ST6GALNAC3: variants seen among roughly 807,000 people sequenced by gnomAD.
ST6GALNAC3 encodes the protein alpha-N-acetylgalactosaminide alpha-2,6-sialyltransferase 3.
Under a neutral mutation model 32.7 loss-of-function variants are expected in ST6GALNAC3, and 25 were observed. The ratio of observed to expected loss-of-function variants is 0.76; its 90% CI spans 0.56 to 1.07. The LOEUF (loss-of-function observed/expected upper bound fraction) is 1.07. Ranked by LOEUF, ST6GALNAC3 falls within the 50% of genes least tolerant of loss-of-function variation. ST6GALNAC3 has a pLI of 0.00. For synonymous variants in ST6GALNAC3, 129 were observed against 133.1 expected (o/e 0.97, Z 0.21); for missense variants, 355 against 382.4 (o/e 0.93, Z 0.60).
At chr1:76,553,645 T>G (rs915716687) in intron 3 of ST6GALNAC3, among the ~76,000 whole-genome samples, 10 of 151,484 alleles carry the variant, frequency 6.6e-5, no homozygotes, top group African/African-American at 2.4e-4. Context: ...TGTCTGCTCT[T>G]ATTCCCTTAC....
In ST6GALNAC3 at chr1:76,305,789, A is replaced by G. The variant is rs1570758487; in HGVS notation, c.19-8016A>G. 3 of 442,342 alleles carry G rather than the reference A, an allele frequency of 6.8e-6. No homozygotes were observed. In the East Asian group the frequency reaches 1.8e-4, roughly 26 times the overall value. The allele number at this position is 442,342 out of a possible 1,614,324, so 27.4% of individuals were successfully genotyped here. Reference sequence around the variant, plus strand: ...AAGTTTAATGAGTGTTATCAGTTAGAGAATTATTTATATAATCTCAGTTTT... The same window carrying G: ...AAGTTTAATGAGTGTTATCAGTTAGGGAATTATTTATATAATCTCAGTTTT... On this transcript the variant is annotated intron_variant, in intron 1 of 4. Coordinates refer to ENST00000328299, the MANE Select transcript of ST6GALNAC3 (RefSeq NM_152996.4).
At chr1:76,242,060 A>G (rs1236487198) in intron 1 of ST6GALNAC3, among the ~76,000 whole-genome samples, 1 of 152,180 alleles carries the variant, frequency 6.6e-6, no homozygotes, top group Non-Finnish European at 1.5e-5. Context: ...TCATATATGC[A>G]TAGTGCCTGG....
rs138527125 is a variant in ST6GALNAC3, at chr1:76,239,128, C to CGCTT, written c.19-74676_19-74673dup. 6.9e-3 allele frequency among the ~76,000 whole-genome samples: 1,055 copies of CGCTT among 152,082 alleles called. 15 individuals are homozygous for CGCTT. Among genetic ancestry groups the CGCTT allele is most frequent in the African/African-American group, 0.024 (1,003 of 41,470 alleles). On this transcript the variant is annotated intron_variant, in intron 1 of 4. Coordinates refer to ENST00000328299, the MANE Select transcript of ST6GALNAC3 (RefSeq NM_152996.4). ...TCCTGGGGGAGCCTCTTGTCCTTTT[C>CGCTT]GCTTCTCTAGCCTCCTTGAAGGAAG...
At chr1:76,618,271 A>G (rs1648422269) in intron 3 of ST6GALNAC3, among the ~76,000 whole-genome samples, 2 of 152,186 alleles carry the variant, frequency 1.3e-5, no homozygotes, top group African/African-American at 4.8e-5. Context: ...TGGCTGCTGT[A>G]TCAGACATGA....
At chr1:76,584,250 G>A (rs1247244515) in intron 3 of ST6GALNAC3, among the ~76,000 whole-genome samples, 1 of 152,182 alleles carries the variant, frequency 6.6e-6, no homozygotes, top group East Asian at 1.9e-4. Flanking sequence ...CATTTATAAT[G>A]TCAAATATCT....
chr1:76,525,789 G>GTATATATATATATA (rs1475642074), intron 3 of ST6GALNAC3, among the ~76,000 whole-genome samples: 7 of 58,944 alleles, frequency 1.2e-4, no homozygotes, highest in Non-Finnish European at 2.6e-4. Flanking sequence ...GTGTGTGTGT[G>GTATATATATATATA]TGTATATATA....
intron 1 of ST6GALNAC3, among the ~76,000 whole-genome samples, chr1:76,135,140 C>CA (rs758939947): frequency 0.034 from 4,411 of 129,806 alleles, 84 homozygotes; most frequent in Middle Eastern, 0.1. Context: ...AGACTCTGCT[C>CA]AAAAAAAAAA....
intron 2 of ST6GALNAC3, among the ~76,000 whole-genome samples, chr1:76,346,204 C>G (rs1648497045): frequency 6.6e-6 from 1 of 152,172 alleles, no homozygotes; most frequent in Non-Finnish European, 1.5e-5. Context: ...GCACTTACGC[C>G]TCGAAGGTGG....
intron 3 of ST6GALNAC3, among the ~76,000 whole-genome samples, chr1:76,429,326 T>C (rs1011831164): frequency 1.3e-5 from 2 of 152,186 alleles, no homozygotes; most frequent in East Asian, 3.9e-4. Context: ...AGTTTTCTCA[T>C]GTATAAAGTA....
intron 3 of ST6GALNAC3, among the ~76,000 whole-genome samples, chr1:76,490,842 T>C (rs1217685246): frequency 7.1e-6 from 1 of 140,646 alleles, no homozygotes; most frequent in Non-Finnish European, 1.5e-5. Flanking sequence ...TTAGTTTCTT[T>C]TTTTTCTTTT....
At chr1:76,221,792 G>C (rs1188791541) in intron 1 of ST6GALNAC3, among the ~76,000 whole-genome samples, 1 of 152,118 alleles carries the variant, frequency 6.6e-6, no homozygotes, top group Non-Finnish European at 1.5e-5. Flanking sequence ...TGAGTGACAG[G>C]TTCTGACTTA....
Position 76,632,408 on chromosome 1 carries a change from A to G in ST6GALNAC3, c.*3602A>G, listed in dbSNP as rs1649343333. On this transcript the variant is annotated 3_prime_UTR_variant, in exon 5 of 5. Transcript: ENST00000328299. The stretch of plus-strand genomic sequence containing the variant: ...GCCGATTGCAGGCTTAGCTAAAGTC[A>G]CATTGAAAAACATTGCATCAAGCTT... The G allele has an allele frequency of 1.3e-5, 2 of 152,204 alleles. No homozygotes were observed. The highest frequency in any genetic ancestry group is 2.9e-5 in the Non-Finnish European group (2 of 68,030). 9.4% of individuals were successfully genotyped at this position (152,204 alleles called of 1,614,324 possible). A position where few individuals can be genotyped will look rare whatever the true frequency, so the allele number is the denominator to read the frequency against.
chr1:76,565,180 TATGCTGACA>T (rs1202614691), intron 3 of ST6GALNAC3, among the ~76,000 whole-genome samples: 1 of 152,132 alleles, frequency 6.6e-6, no homozygotes, highest in Admixed American at 6.5e-5. Context: ...GGGGGCTGCC[TATGCTGACA>T]ACAACTGAGG....
At chr1:76,593,201 C>G (rs946020923) in intron 3 of ST6GALNAC3, among the ~76,000 whole-genome samples, 1 of 152,066 alleles carries the variant, frequency 6.6e-6, no homozygotes, top group African/African-American at 2.4e-5. Context: ...CTTTGTATGA[C>G]AAATTGTAAT....
intron 3 of ST6GALNAC3, among the ~76,000 whole-genome samples, chr1:76,495,909 G>A (rs1571417672): frequency 6.6e-6 from 1 of 152,122 alleles, no homozygotes; most frequent in South Asian, 2.1e-4. Flanking sequence ...TTCCAATTGA[G>A]TTTTGAGTTT....
chr1:76,270,600 G>A (rs1337393507), intron 1 of ST6GALNAC3, among the ~76,000 whole-genome samples: 3 of 151,024 alleles, frequency 2.0e-5, no homozygotes, highest in Non-Finnish European at 4.4e-5. Context: ...AGTTTCATTT[G>A]GTTGCTACCC....
intron 1 of ST6GALNAC3, among the ~76,000 whole-genome samples, chr1:76,266,990 G>A (rs1198070683): frequency 6.6e-6 from 1 of 152,174 alleles, no homozygotes; most frequent in Non-Finnish European, 1.5e-5. Flanking sequence ...TAAATGGAGT[G>A]AAAACACTAG....
At chr1:76,539,762 A>T (rs1663869629) in intron 3 of ST6GALNAC3, among the ~76,000 whole-genome samples, 3 of 152,150 alleles carry the variant, frequency 2.0e-5, no homozygotes, top group Non-Finnish European at 4.4e-5. Flanking sequence ...AAAAATCTCC[A>T]CATCAATGAT....
At chr1:76,540,682 T>G (rs1287313449) in intron 3 of ST6GALNAC3, among the ~76,000 whole-genome samples, 2 of 152,152 alleles carry the variant, frequency 1.3e-5, no homozygotes, top group African/African-American at 4.8e-5. Context: ...AAATAAGCAT[T>G]TTGAACACCC....
Sources: allele counts gnomAD v4.1 joint callset (sites outside exome capture counted in the v4.1 genomes callset), GRCh38; gene constraint gnomAD v4.1.1; transcripts MANE v1.5; gene names NCBI Gene and HGNC (gene_info 2026-07-23, HGNC 2026-07-21).